Variants in AFF2 observed in about 807,000 individuals in gnomAD.
AFF2 encodes ALF transcription elongation factor 2.
AFF2 carries 14 observed loss-of-function variants against 76.9 expected under a neutral mutation model. The ratio of observed to expected loss-of-function variants is 0.18; its 90% confidence interval spans 0.12 to 0.28. AFF2 has a LOEUF of 0.28. AFF2 is among the 10% of genes least tolerant of loss of function. The pLI is 1.00. For missense variants in AFF2, 868 were observed against 1,001.1 expected (o/e 0.87, Z 1.79); for synonymous variants, 398 against 366.7 (o/e 1.09, Z -0.98).
chrX:148,504,802 T>C (rs925239836), intron 1 of AFF2, among the ~76,000 whole-genome samples: 1 of 112,406 alleles, frequency 8.9e-6, no homozygotes, highest in East Asian at 2.8e-4. Flanking sequence ...CAGCCGGGCA[T>C]GGCCCATGCA....
At chrX:148,833,088 A>G (rs1183713314) in intron 4 of AFF2, among the ~76,000 whole-genome samples, 1 of 111,102 alleles carries the variant, frequency 9.0e-6, no homozygotes. Context: ...GATAGCCTGT[A>G]AAAGGGATAC....
intron 3 of AFF2, among the ~76,000 whole-genome samples, chrX:148,796,351 A>T (rs781797355): frequency 9.0e-6 from 1 of 111,344 alleles, no homozygotes; most frequent in East Asian, 2.8e-4. Context: ...GCAGGTCAAC[A>T]TCCTTAGGTA....
intron 1 of AFF2, among the ~76,000 whole-genome samples, chrX:148,531,448 C>T (rs1281438738): frequency 8.9e-6 from 1 of 111,928 alleles, no homozygotes; most frequent in African/African-American, 3.2e-5. Context: ...AAAGTTGCCC[C>T]GAGTTCTACT....
intron 3 of AFF2, among the ~76,000 whole-genome samples, chrX:148,666,693 G>T (rs1373472394): frequency 2.7e-5 from 3 of 111,673 alleles, no homozygotes; most frequent in Non-Finnish European, 5.6e-5. Context: ...AAATGCTGAT[G>T]TGTTCTGCAG....
chrX:148,817,607 T>G (rs1450670412), intron 4 of AFF2, among the ~76,000 whole-genome samples: 1 of 112,236 alleles, frequency 8.9e-6, no homozygotes, highest in Non-Finnish European at 1.9e-5. Flanking sequence ...TGCAAAGTAC[T>G]TTTTAGAAAA....
intron 3 of AFF2, among the ~76,000 whole-genome samples, chrX:148,765,177 T>C (rs1193356592): frequency 1.8e-5 from 2 of 111,963 alleles, no homozygotes; most frequent in Non-Finnish European, 3.8e-5. Context: ...TGAGCCACCA[T>C]GCCCGGCCAA....
At chrX:148,685,707 A>G (rs2054594171) in intron 3 of AFF2, among the ~76,000 whole-genome samples, 1 of 111,145 alleles carries the variant, frequency 9.0e-6, no homozygotes, top group African/African-American at 3.3e-5. Context: ...TTCAGAATCT[A>G]ATGTTCAGAA....
At chrX:148,731,664 C>A (rs241089) in intron 3 of AFF2, among the ~76,000 whole-genome samples, 31,890 of 104,313 alleles carry the variant, frequency 0.31, 7,366 homozygotes, top group African/African-American at 0.77. Flanking sequence ...AAATTTTCGC[C>A]ACCTACTCAT....
intron 3 of AFF2, among the ~76,000 whole-genome samples, chrX:148,768,893 A>C (rs1029251095): frequency 8.9e-6 from 1 of 112,445 alleles, no homozygotes; most frequent in Admixed American, 9.4e-5. Flanking sequence ...GTGATGGTTC[A>C]AGATCAAGTT....
At chrX:148,714,627 A>G (rs1404710484) in intron 3 of AFF2, among the ~76,000 whole-genome samples, 1 of 111,383 alleles carries the variant, frequency 9.0e-6, no homozygotes. Context: ...CAATTGAACA[A>G]GTATATACCA....
intron 9 of AFF2, among the ~76,000 whole-genome samples, chrX:148,944,189 A>G (rs1445425647): frequency 8.9e-6 from 1 of 112,210 alleles, no homozygotes; most frequent in Non-Finnish European, 1.9e-5. Context: ...GGTTCTCCTG[A>G]CAAGCAGTTG....
chrX:148,701,582 A>G (rs2054800993), intron 3 of AFF2, among the ~76,000 whole-genome samples: 1 of 112,181 alleles, frequency 8.9e-6, no homozygotes, highest in South Asian at 3.7e-4. Context: ...AAATAGAAAC[A>G]AAATTTTGAA....
Position 148,558,412 on chromosome X carries a change from A to T in AFF2, c.47+57268A>T, listed in dbSNP as rs16994619. Among the ~76,000 whole-genome samples the T allele has an allele frequency of 9.0e-3, 1,000 of 110,941 alleles. 14 individuals carry two copies. Among genetic ancestry groups the T allele is most frequent in the African/African-American group, 0.03 (913 of 30,485 alleles). ...GTGTTTTCCCTTCTTAACATGCTGC[A>T]CCTTTGAAGCCAGAAGCCAGAGGCT... On this transcript the variant is annotated intron_variant, in intron 1 of 20. Coordinates refer to ENST00000370460, the MANE Select transcript of AFF2 (RefSeq NM_002025.4).
intron 7 of AFF2, among the ~76,000 whole-genome samples, chrX:148,845,053 T>C (rs1187443177): frequency 9.1e-6 from 1 of 109,895 alleles, no homozygotes; most frequent in Non-Finnish European, 1.9e-5. Flanking sequence ...GATCTAATCC[T>C]CCCTGCTTTC....
chrX:148,581,166 CAT>C (rs782332559), intron 1 of AFF2, among the ~76,000 whole-genome samples: 1 of 60,398 alleles, frequency 1.7e-5, no homozygotes, highest in African/African-American at 7.7e-5. Flanking sequence ...CGTATACACA[CAT>C]ACATATACGT....
intron 7 of AFF2, among the ~76,000 whole-genome samples, chrX:148,878,804 T>C (rs1274552741): frequency 8.9e-6 from 1 of 112,505 alleles, no homozygotes; most frequent in Non-Finnish European, 1.9e-5. Context: ...TTCTAAAAAA[T>C]GATACAAGAC....
intron 3 of AFF2, among the ~76,000 whole-genome samples, chrX:148,770,443 A>G (rs782534056): frequency 8.9e-6 from 1 of 112,210 alleles, no homozygotes; most frequent in Non-Finnish European, 1.9e-5. Flanking sequence ...TTGAAATATC[A>G]GTGGGATTTG....
chrX:148,747,625 A>C (rs2055437386), intron 3 of AFF2, among the ~76,000 whole-genome samples: 1 of 110,847 alleles, frequency 9.0e-6, no homozygotes. Flanking sequence ...TCCTGCTGTT[A>C]TTTTCATTAA....
chrX:148,753,810 C>T (rs1372249499), intron 3 of AFF2, among the ~76,000 whole-genome samples: 1 of 111,545 alleles, frequency 9.0e-6, no homozygotes, highest in Non-Finnish European at 1.9e-5. Context: ...GCCATGGAGT[C>T]TGTGTTCCTT....
Sources: gnomAD v4.1 joint callset for allele counts (sites outside exome capture counted in the v4.1 genomes callset) on GRCh38, gnomAD v4.1.1 for gene constraint, MANE v1.5 for transcripts, NCBI Gene and HGNC (gene_info 2026-07-23, HGNC 2026-07-21) for gene names.